The following CPEB1 variants were observed in gnomAD, a reference collection of about 807,000 sequenced individuals.
CPEB1 encodes the protein cytoplasmic polyadenylation element-binding protein 1.
A neutral mutation model predicts 65.8 loss-of-function variants in CPEB1; 7 were observed. The observed-to-expected ratio is 0.11, with a 90% CI of 0.06 to 0.20. The LOEUF (loss-of-function observed/expected upper bound fraction) is 0.20, where lower values mean the gene tolerates loss of function less well. Among genes scored for constraint, CPEB1 ranks in the 10% least tolerant of loss-of-function variants. CPEB1 has a pLI of 1.00. For missense variants in CPEB1, 551 were observed against 712.2 expected (o/e 0.77, Z 2.58); for synonymous variants, 262 against 260.0 (o/e 1.01, Z -0.08).
intron 3 of CPEB1, among the ~76,000 whole-genome samples, chr15:82,582,622 C>A (rs769327631): frequency 6.6e-6 from 1 of 152,076 alleles, no homozygotes; most frequent in Non-Finnish European, 1.5e-5. Context: ...CAGGTCTACA[C>A]TCATACATAA....
intron 3 of CPEB1, among the ~76,000 whole-genome samples, chr15:82,608,294 CTGGGAAA>C (rs1485683856): frequency 6.6e-6 from 1 of 151,964 alleles, no homozygotes; most frequent in African/African-American, 2.4e-5. Flanking sequence ...CAAACTTTCC[CTGGGAAA>C]TGGGAAATGG....
intron 3 of CPEB1, among the ~76,000 whole-genome samples, chr15:82,578,096 T>A (rs892931250): frequency 6.6e-6 from 1 of 151,926 alleles, no homozygotes; most frequent in Non-Finnish European, 1.5e-5. Context: ...GCCGAGATCG[T>A]GCCACTGCAC....
chr15:82,567,080 C>G (rs1464969324), intron 4 of CPEB1, among the ~76,000 whole-genome samples: 1 of 152,140 alleles, frequency 6.6e-6, no homozygotes, highest in Admixed American at 6.5e-5. Context: ...TGTTGTACTG[C>G]TGGGAATATA....
At position 82,589,195 on chromosome 15, in the gene CPEB1, T is replaced by C. The variant is rs539398489; in HGVS notation, c.272-17663A>G. Among the ~76,000 whole-genome samples the C allele has an allele frequency of 3.9e-5, 6 of 152,338 alleles. No individual in the cohort carries two copies. In the South Asian group the frequency reaches 1.2e-3, roughly 32 times the overall value. ...ACACTTCCCACCCCCTGGAAAGCCC[T>C]GTACCTCTTAAACATCCCAAGTTCA... On this transcript the variant is annotated intron_variant, in intron 3 of 12. Coordinates refer to ENST00000684509, the MANE Select transcript of CPEB1 (RefSeq NM_001365242.1).
At chr15:82,581,847 G>C (rs191384816) in intron 3 of CPEB1, among the ~76,000 whole-genome samples, 80 of 152,274 alleles carry the variant, frequency 5.3e-4, no homozygotes, top group Admixed American at 1.0e-3. Context: ...CTACCTCACT[G>C]GTTACAGTGA....
chr15:82,600,897 CTTTTTTTTTT>C (rs751843256), intron 3 of CPEB1, among the ~76,000 whole-genome samples: 1 of 64,186 alleles, frequency 1.6e-5, no homozygotes, highest in African/African-American at 6.2e-5. Flanking sequence ...CAGAACTTGT[CTTTTTTTTTT>C]TTTTTTTTTT....
chr15:82,632,004 C>CG (rs1402514376), intron 1 of CPEB1, among the ~76,000 whole-genome samples: 2 of 106,816 alleles, frequency 1.9e-5, no homozygotes, highest in Non-Finnish European at 3.5e-5. Context: ...TTTTTTGAGA[C>CG]GGAGTCTCGT....
At chr15:82,589,891 AGGTATAAGT>A (rs2042086039) in intron 3 of CPEB1, among the ~76,000 whole-genome samples, 2 of 152,236 alleles carry the variant, frequency 1.3e-5, no homozygotes, top group Admixed American at 6.5e-5. Context: ...ACACTGCATT[AGGTATAAGT>A]AATCTAGAGA....
intron 1 of CPEB1, 126 bp from the exon 2 acceptor site, chr15:82,628,682 T>G: frequency 1.9e-6 from 1 of 532,166 alleles, no homozygotes; most frequent in Non-Finnish European, 3.3e-6. Context: ...TCTCCTTACA[T>G]CCGCTCCACA....
intron 3 of CPEB1, among the ~76,000 whole-genome samples, chr15:82,611,955 A>G (rs1396279351): frequency 6.6e-6 from 1 of 152,118 alleles, no homozygotes; most frequent in Non-Finnish European, 1.5e-5. Flanking sequence ...GAAATTTTGT[A>G]ATCCCAGCAC....
At chr15:82,545,410 T>G (rs910314945) in intron 12 of CPEB1, among the ~76,000 whole-genome samples, 5 of 152,124 alleles carry the variant, frequency 3.3e-5, no homozygotes, top group Non-Finnish European at 5.9e-5. Flanking sequence ...TAAACAAAAT[T>G]TAAAAAGCAC....
At chr15:82,616,818 A>T (rs1567224878) in intron 3 of CPEB1, among the ~76,000 whole-genome samples, 1 of 152,340 alleles carries the variant, frequency 6.6e-6, no homozygotes, top group East Asian at 1.9e-4. Flanking sequence ...AAATCCTACC[A>T]TTCAGAGATA....
chr15:82,545,668 TC>T (rs2035056389), intron 12 of CPEB1, among the ~76,000 whole-genome samples: 1 of 152,144 alleles, frequency 6.6e-6, no homozygotes, highest in African/African-American at 2.4e-5. Context: ...CCAGGAACAT[TC>T]AATAGAAAGC....
intron 1 of CPEB1, among the ~76,000 whole-genome samples, chr15:82,633,839 A>ATCC (rs930518325): frequency 1.3e-5 from 2 of 152,076 alleles, no homozygotes; most frequent in African/African-American, 4.8e-5. Context: ...ACAAAGGAAA[A>ATCC]TCCTCCTCCT....
chr15:82,621,398 G>T (rs542938613), intron 3 of CPEB1, among the ~76,000 whole-genome samples: 1 of 151,968 alleles, frequency 6.6e-6, no homozygotes, highest in African/African-American at 2.4e-5. Flanking sequence ...GAGGCAGGCG[G>T]ATCACCTGAG....
intron 3 of CPEB1, chr15:82,573,079 C>A (rs751749604): frequency 3.9e-6 from 6 of 1,535,468 alleles, no homozygotes; most frequent in East Asian, 2.4e-5. Context: ...CAAGCAGATA[C>A]GGGAAGCATG....
intron 9 of CPEB1, 106 bp downstream of exon 9, chr15:82,552,374 C>G: frequency 9.2e-7 from 1 of 1,087,166 alleles, no homozygotes; most frequent in Non-Finnish European, 1.3e-6. Flanking sequence ...CTTGCCTCAG[C>G]AGGAATACTC....
At chr15:82,610,535 T>C (rs1425892056) in intron 3 of CPEB1, among the ~76,000 whole-genome samples, 1 of 151,686 alleles carries the variant, frequency 6.6e-6, no homozygotes, top group African/African-American at 2.4e-5. Context: ...AAAAAATCAA[T>C]AAAATATAAT....
intron 3 of CPEB1, among the ~76,000 whole-genome samples, chr15:82,582,808 C>A (rs1423181133): frequency 7.4e-6 from 1 of 134,460 alleles, no homozygotes; most frequent in South Asian, 2.3e-4. Context: ...GTGGCGTGAT[C>A]TGGACTCACC....
Sources: gnomAD v4.1 joint callset for allele counts (sites outside exome capture counted in the v4.1 genomes callset) on GRCh38, gnomAD v4.1.1 for gene constraint, MANE v1.5 for transcripts, NCBI Gene and HGNC (gene_info 2026-07-23, HGNC 2026-07-21) for gene names.